ATP13A5: variants seen among roughly 807,000 people sequenced by gnomAD.
ATP13A5 encodes the protein probable cation-transporting ATPase 13A5.
A neutral mutation model predicts 150.2 loss-of-function variants in ATP13A5; 149 were observed. That is an observed-to-expected ratio of 0.99 (90% CI 0.87 to 1.14). The LOEUF (loss-of-function observed/expected upper bound fraction) is 1.14. Among genes scored for constraint, ATP13A5 ranks in the 50% most tolerant of loss-of-function variants. ATP13A5 has a pLI of 0.00. For synonymous variants in ATP13A5, 497 were observed against 522.2 expected, an observed-to-expected ratio of 0.95 and a Z score of 0.66; for missense variants, 1,383 against 1,449.3, an observed-to-expected ratio of 0.95 and a Z score of 0.74.
chr3:193,332,158 T>A (rs559049700), intron 11 of ATP13A5, among the ~76,000 whole-genome samples: 1 of 152,262 alleles, frequency 6.6e-6, no homozygotes, highest in East Asian at 1.9e-4. Flanking sequence ...AATGTTGTCA[T>A]GATTGTGAAT....
chr3:193,298,563 C>G (rs1033762955), intron 25 of ATP13A5, among the ~76,000 whole-genome samples: 3 of 152,034 alleles, frequency 2.0e-5, no homozygotes, highest in Non-Finnish European at 4.4e-5. Flanking sequence ...ATTCTTTTTC[C>G]TTGCTCTCTG....
chr3:193,350,851 C>T (rs984546583), intron 7 of ATP13A5, among the ~76,000 whole-genome samples: 3 of 152,138 alleles, frequency 2.0e-5, no homozygotes, highest in Non-Finnish European at 4.4e-5. Flanking sequence ...ACAAAGCATT[C>T]GATGAAGGCT....
At chr3:193,332,176 A>G (rs1711653884) in intron 11 of ATP13A5, among the ~76,000 whole-genome samples, 1 of 152,136 alleles carries the variant, frequency 6.6e-6, no homozygotes, top group Non-Finnish European at 1.5e-5. Context: ...AATAAGTCTC[A>G]TGAGATCTGA....
chr3:193,322,342 C>A (rs538252031), intron 15 of ATP13A5, 149 bp downstream of exon 15: 2 of 685,816 alleles, frequency 2.9e-6, no homozygotes, highest in African/African-American at 1.8e-5. Context: ...AATTAATAGA[C>A]AAATTCGGAA....
At chr3:193,301,406 G>A in intron 23 of ATP13A5, 99 bp from the exon 24 acceptor site, 1 of 803,466 alleles carries the variant, frequency 1.2e-6, no homozygotes, top group Non-Finnish European at 2.0e-6. Context: ...GTAGCCTGTT[G>A]ACATACATTC....
intron 1 of ATP13A5, among the ~76,000 whole-genome samples, chr3:193,378,079 T>C (rs1490720675): frequency 1.5e-3 from 1 of 646 alleles, no homozygotes; most frequent in Non-Finnish European, 3.1e-3. Flanking sequence ...TTTAAATGTG[T>C]GTGTGTGTGT....
Position 193,363,248 on chromosome 3 carries a change from C to T in ATP13A5, c.372G>A (p.Lys124=), listed in dbSNP as rs147506893. The T allele has an allele frequency of 1.2e-3, 1,913 of 1,612,836 alleles. 24 individuals are homozygous for T. In the African/African-American group the frequency reaches 0.02, roughly 17 times the overall value. The change falls in exon 3 of 30, where the codon AAG becomes AAA. Residue 124 remains lysine (K), a synonymous_variant. Transcript: ENST00000342358. ...RHSVINQALI[K]PELKLRCMEV... ...TCAAGTAACTTACTTTTAATTCTGG[C>T]TTTATTAAGGCTTGGTTTATGACAG... is the stretch of plus-strand genomic sequence containing the variant.
intron 1 of ATP13A5, among the ~76,000 whole-genome samples, chr3:193,375,898 G>C (rs571177713): frequency 6.6e-6 from 1 of 152,308 alleles, no homozygotes; most frequent in Admixed American, 6.5e-5. Flanking sequence ...GATTGAAGGA[G>C]TTCATTATTT....
intron 14 of ATP13A5, 28 bp from the exon 15 acceptor site, chr3:193,322,602 A>G (rs376957030): frequency 1.2e-5 from 17 of 1,434,312 alleles, no homozygotes; most frequent in Non-Finnish European, 1.5e-5. Flanking sequence ...CATTCATAAG[A>G]TTCTTTGAAT....
chr3:193,280,722 T>C (rs886383886), intron 27 of ATP13A5, among the ~76,000 whole-genome samples: 6 of 152,218 alleles, frequency 3.9e-5, no homozygotes, highest in Non-Finnish European at 8.8e-5. Context: ...CTTAGAAATA[T>C]TATTTTTTAA....
At chr3:193,368,788 A>G (rs1713342635) in intron 1 of ATP13A5, among the ~76,000 whole-genome samples, 1 of 152,184 alleles carries the variant, frequency 6.6e-6, no homozygotes, top group Non-Finnish European at 1.5e-5. Context: ...ATATACAAAA[A>G]TTCATTTGAG....
intron 27 of ATP13A5, chr3:193,281,254 TG>T: frequency 1.0e-6 from 1 of 978,666 alleles, no homozygotes. Context: ...TCTGTTCTGA[TG>T]AAGTCCTAGA....
Position 193,324,972 on chromosome 3 carries a change from TGGCA to T in ATP13A5, c.1562_1565del (p.Val521AspfsTer15). 6.2e-7 allele frequency: 1 copy of T among 1,613,964 alleles called. No individual in the cohort carries two copies. On this transcript the variant is annotated frameshift_variant, in exon 14 of 30. Coordinates refer to ENST00000342358, the MANE Select transcript of ATP13A5 (RefSeq NM_198505.4). LOFTEE classifies it high-confidence loss of function. ...CCATGGCCGCACACAGTGGGCTCCA[TGGCA>T]CAGCCTGGCCTGAGGCAAAGCTGTG... is the stretch of plus-strand genomic sequence containing the variant.
At chr3:193,277,901 C>T (rs1174864070) in intron 28 of ATP13A5, among the ~76,000 whole-genome samples, 1 of 152,156 alleles carries the variant, frequency 6.6e-6, no homozygotes, top group African/African-American at 2.4e-5. Flanking sequence ...TTTCAGCTCA[C>T]TGCAACATTC....
At chr3:193,375,065 C>T (rs1713591623) in intron 1 of ATP13A5, among the ~76,000 whole-genome samples, 1 of 152,192 alleles carries the variant, frequency 6.6e-6, no homozygotes, top group Admixed American at 6.5e-5. Context: ...CTGTGGTCTT[C>T]TGTTACAGCA....
At chr3:193,320,941 C>T (rs941160591) in intron 16 of ATP13A5, among the ~76,000 whole-genome samples, 2 of 152,178 alleles carry the variant, frequency 1.3e-5, no homozygotes, top group African/African-American at 4.8e-5. Context: ...ATTGAATTTA[C>T]TCTGATCACT....
chr3:193,377,891 T>C (rs1224974529), intron 1 of ATP13A5, among the ~76,000 whole-genome samples: 2 of 152,230 alleles, frequency 1.3e-5, no homozygotes, highest in Non-Finnish European at 2.9e-5. Flanking sequence ...ATTCCCAGCC[T>C]GTCCCTTGCA....
At chr3:193,362,534 C>A in intron 4 of ATP13A5, 33 bp downstream of exon 4, 1 of 1,613,732 alleles carries the variant, frequency 6.2e-7, no homozygotes. Flanking sequence ...TCCCCTATAT[C>A]CTGACCAAGG....
chr3:193,359,417 T>C (rs539553053), intron 5 of ATP13A5, among the ~76,000 whole-genome samples: 1 of 152,332 alleles, frequency 6.6e-6, no homozygotes, highest in African/African-American at 2.4e-5. Context: ...TTTTTGCTTC[T>C]TCTTTCTCTC....
Sources: gnomAD v4.1 joint callset for allele counts (sites outside exome capture counted in the v4.1 genomes callset) on GRCh38, gnomAD v4.1.1 for gene constraint, MANE v1.5 for transcripts, NCBI Gene and HGNC (gene_info 2026-07-23, HGNC 2026-07-21) for gene names.